Variants in PDZD2 observed in about 807,000 individuals in gnomAD.
PDZD2 encodes PDZ domain-containing protein 2.
PDZD2 carries 90 observed loss-of-function variants against 220.7 expected under a neutral mutation model. The ratio of observed to expected loss-of-function variants is 0.41; its 90% confidence interval spans 0.34 to 0.49. PDZD2 has a LOEUF of 0.49. Ranked by LOEUF, PDZD2 falls within the 20% of genes least tolerant of loss-of-function variation. The pLI is 0.28. For synonymous variants in PDZD2, 1,375 were observed against 1,450.5 expected (o/e 0.95, Z 1.18); for missense variants, 3,174 against 3,608.5 (o/e 0.88, Z 3.08).
rs2150230121 is a variant in PDZD2, at chr5:31,799,679, C to T, written c.431C>T (p.Ser144Leu). 6.2e-7 allele frequency: 1 copy of T among 1,613,986 alleles called. No individual in the cohort carries two copies. The highest frequency in any genetic ancestry group is 2.2e-5 in the East Asian group (1 of 44,872). The change falls in exon 2 of 25, where the codon TCA (serine) becomes TTA (leucine). Residue 144 changes from serine (S) to leucine (L), a missense_variant. By Grantham distance (145) the Ser-to-Leu change is moderately radical. Coordinates refer to ENST00000438447, the MANE Select transcript of PDZD2 (RefSeq NM_178140.4). ...GKVRLRDEIL[S>L]LNGQLMVGVD... Reference sequence around the variant, plus strand: ...GTCCGACTGCGGGATGAGATCCTCTCACTGAATGGGCAGCTGATGGTTGGA... The same window carrying T: ...GTCCGACTGCGGGATGAGATCCTCTTACTGAATGGGCAGCTGATGGTTGGA...
chr5:32,014,245 A>G (rs1753555100), intron 6 of PDZD2, among the ~76,000 whole-genome samples: 1 of 152,194 alleles, frequency 6.6e-6, no homozygotes, highest in South Asian at 2.1e-4. Flanking sequence ...TTGCACCTGT[A>G]TGTCGTCGTG....
chr5:31,652,147 T>TTTTGTTTG (rs61335359), intron 1 of PDZD2, among the ~76,000 whole-genome samples: 2,131 of 147,366 alleles, frequency 0.014, 27 homozygotes, highest in Non-Finnish European at 0.021. Flanking sequence ...TTTTTTTGTT[T>TTTTGTTTG]TTTGTTTGTT....
At chr5:31,656,304 G>A (rs1285253130) in intron 1 of PDZD2, among the ~76,000 whole-genome samples, 5 of 152,158 alleles carry the variant, frequency 3.3e-5, no homozygotes, top group South Asian at 2.1e-4. Flanking sequence ...AGCCTTCCCC[G>A]CCTTCCCTGG....
At chr5:31,933,253 G>A (rs1745457821) in intron 2 of PDZD2, among the ~76,000 whole-genome samples, 1 of 152,140 alleles carries the variant, frequency 6.6e-6, no homozygotes, top group South Asian at 2.1e-4. Flanking sequence ...AGTAGCATGT[G>A]TCAGAATTTC....
At chr5:31,649,366 GTTCCGTCCCAT>G (rs1219090777) in intron 1 of PDZD2, among the ~76,000 whole-genome samples, 1 of 151,596 alleles carries the variant, frequency 6.6e-6, no homozygotes, top group Non-Finnish European at 1.5e-5. Context: ...AACACACCAA[GTTCCGTCCCAT>G]ATCAGAGCTC....
chr5:31,859,643 G>GTT (rs1580916685), intron 2 of PDZD2, among the ~76,000 whole-genome samples: 1 of 149,904 alleles, frequency 6.7e-6, no homozygotes, highest in Non-Finnish European at 1.5e-5. Flanking sequence ...CTAGTTTTTT[G>GTT]TTTGTTTGTT....
intron 2 of PDZD2, among the ~76,000 whole-genome samples, chr5:31,883,195 A>G (rs137949437): frequency 6.8e-6 from 1 of 146,938 alleles, no homozygotes; most frequent in East Asian, 2.0e-4. Flanking sequence ...GAGTGAAATT[A>G]TGAGTTTATT....
intron 1 of PDZD2, among the ~76,000 whole-genome samples, chr5:31,795,115 G>T (rs1033863405): frequency 2.0e-5 from 3 of 152,170 alleles, no homozygotes; most frequent in South Asian, 2.1e-4. Flanking sequence ...CCTGGAGAAA[G>T]ATTAAATTTA....
intron 1 of PDZD2, among the ~76,000 whole-genome samples, chr5:31,775,939 G>T (rs532697384): frequency 6.6e-6 from 1 of 152,128 alleles, no homozygotes; most frequent in South Asian, 2.1e-4. Flanking sequence ...TCATGAGTGT[G>T]GCCAGCATGC....
At chr5:31,948,591 G>T (rs1436480055) in intron 2 of PDZD2, among the ~76,000 whole-genome samples, 1 of 152,154 alleles carries the variant, frequency 6.6e-6, no homozygotes, top group Admixed American at 6.5e-5. Context: ...CCATAGAGTT[G>T]CTTAAAGAAA....
At chr5:31,902,850 T>TG (rs199871923) in intron 2 of PDZD2, among the ~76,000 whole-genome samples, 1 of 148,066 alleles carries the variant, frequency 6.8e-6, no homozygotes, top group East Asian at 2.1e-4. Context: ...TGGATGACAG[T>TG]GAGACTCCAT....
Position 31,667,012 on chromosome 5 carries a change from G to A in PDZD2, c.-361+27575G>A, listed in dbSNP as rs533822463. Among the ~76,000 whole-genome samples the A allele has an allele frequency of 1.6e-4, 24 of 151,942 alleles. No individual in the cohort carries two copies. The East Asian group carries it at 3.3e-3, about 21-fold the overall frequency. On this transcript the variant is annotated intron_variant, in intron 1 of 24. Transcript: ENST00000438447. ...AGCACTTTGGGAGGCCGAGGTGGGCGGATCACGAGGTCAGGAGATCGAGAC... is the reference window on the plus strand; with the variant it reads ...AGCACTTTGGGAGGCCGAGGTGGGCAGATCACGAGGTCAGGAGATCGAGAC...
intron 2 of PDZD2, among the ~76,000 whole-genome samples, chr5:31,942,152 C>G (rs1406691628): frequency 1.3e-5 from 2 of 152,218 alleles, no homozygotes; most frequent in African/African-American, 4.8e-5. Context: ...CACAGATTGA[C>G]TCTGAAATCT....
chr5:32,077,327 C>A, intron 18 of PDZD2, 135 bp from the exon 19 acceptor site: 1 of 785,756 alleles, frequency 1.3e-6, no homozygotes, highest in Non-Finnish European at 2.1e-6. Context: ...AACCCACAAT[C>A]TGGATCTGCT....
At chr5:32,001,589 G>A (rs1752110870) in intron 5 of PDZD2, among the ~76,000 whole-genome samples, 1 of 152,196 alleles carries the variant, frequency 6.6e-6, no homozygotes, top group Non-Finnish European at 1.5e-5. Flanking sequence ...AGGTCCTGAC[G>A]CCCCAGGCAG....
chr5:31,984,486 G>A (rs1255416024), intron 3 of PDZD2, among the ~76,000 whole-genome samples: 1 of 152,200 alleles, frequency 6.6e-6, no homozygotes, highest in African/African-American at 2.4e-5. Flanking sequence ...TTTCTTCTCT[G>A]ACTCAGGAGA....
At chr5:31,974,138 G>A (rs1047964203) in intron 2 of PDZD2, among the ~76,000 whole-genome samples, 5 of 152,020 alleles carry the variant, frequency 3.3e-5, no homozygotes, top group Admixed American at 2.6e-4. Context: ...CCGCTACCAC[G>A]CCCAGCTAAT....
chr5:32,101,690 A>G (rs1458814499), intron 24 of PDZD2, among the ~76,000 whole-genome samples: 1 of 152,246 alleles, frequency 6.6e-6, no homozygotes, highest in African/African-American at 2.4e-5. Flanking sequence ...ACACTTGTAA[A>G]TGCTAGACTG....
intron 2 of PDZD2, among the ~76,000 whole-genome samples, chr5:31,824,794 G>A (rs1756113013): frequency 6.6e-6 from 1 of 152,122 alleles, no homozygotes; most frequent in Non-Finnish European, 1.5e-5. Flanking sequence ...GAAAATTATG[G>A]AAAGATACAC....
Sources: allele counts gnomAD v4.1 joint callset (sites outside exome capture counted in the v4.1 genomes callset), GRCh38; gene constraint gnomAD v4.1.1; transcripts MANE v1.5; gene names NCBI Gene and HGNC (gene_info 2026-07-23, HGNC 2026-07-21).